ESR1: variants seen among roughly 807,000 people sequenced by gnomAD.
ESR1 encodes the protein estrogen receptor.
In ESR1, 12 loss-of-function variants were observed where a neutral mutation model predicts 52.7. The observed-to-expected ratio is 0.23, with a 90% CI of 0.15 to 0.37. ESR1 has a LOEUF of 0.37. ESR1 is among the 10% of genes least tolerant of loss of function. ESR1 has a pLI of 1.00. For missense variants in ESR1, 584 were observed against 779.7 expected (o/e 0.75, Z 2.99); for synonymous variants, 305 against 316.8 (o/e 0.96, Z 0.39).
At chr6:151,678,035 A>G (rs1453612012) in intron 1 of ESR1, among the ~76,000 whole-genome samples, 2 of 152,198 alleles carry the variant, frequency 1.3e-5, no homozygotes, top group Non-Finnish European at 2.9e-5. Flanking sequence ...ATTGGCTGTC[A>G]TGGTTTGGTT....
At chr6:151,760,152 A>G (rs1212279093) in intron 2 of ESR1, among the ~76,000 whole-genome samples, 1 of 152,150 alleles carries the variant, frequency 6.6e-6, no homozygotes, top group Non-Finnish European at 1.5e-5. Flanking sequence ...CCATATATAC[A>G]TATTCCCAGG....
chr6:151,986,377 G>T (rs1045749686), intron 4 of ESR1, among the ~76,000 whole-genome samples: 3 of 152,016 alleles, frequency 2.0e-5, no homozygotes, highest in Admixed American at 1.3e-4. Context: ...TCACTTAGTG[G>T]AGAAACAGCT....
intron 2 of ESR1, among the ~76,000 whole-genome samples, chr6:151,723,444 C>A (rs1781602476): frequency 6.6e-6 from 1 of 152,192 alleles, no homozygotes; most frequent in Non-Finnish European, 1.5e-5. Flanking sequence ...ACCTGATAGC[C>A]TTCATTTCAT....
chr6:151,830,216 G>A (rs1782175476), intron 1 of ESR1, among the ~76,000 whole-genome samples: 1 of 152,146 alleles, frequency 6.6e-6, no homozygotes, highest in Non-Finnish European at 1.5e-5. Flanking sequence ...CTGCCTTGAG[G>A]TGTCAGCTTT....
upstream of ESR1, among the ~76,000 whole-genome samples, chr6:151,800,567 A>G (rs185429933): frequency 9.9e-5 from 15 of 152,206 alleles, no homozygotes; most frequent in Middle Eastern, 3.4e-3. Context: ...GCCTTATAAA[A>G]AGAGCTCTCT....
chr6:152,065,937 A>C (rs1406596469), intron 6 of ESR1, among the ~76,000 whole-genome samples: 1 of 152,256 alleles, frequency 6.6e-6, no homozygotes, highest in Non-Finnish European at 1.5e-5. Flanking sequence ...CCCAAGGTGC[A>C]AAGTTAAGAG....
chr6:151,760,308 A>G (rs543655040), intron 2 of ESR1, among the ~76,000 whole-genome samples: 266 of 152,314 alleles, frequency 1.7e-3, no homozygotes, highest in Non-Finnish European at 2.8e-3. Flanking sequence ...AATCCCACAC[A>G]AGACCACCCA....
intron 4 of ESR1, among the ~76,000 whole-genome samples, chr6:151,954,618 A>G (rs2036697876): frequency 6.6e-6 from 1 of 152,196 alleles, no homozygotes; most frequent in Non-Finnish European, 1.5e-5. Context: ...GGCACATCAT[A>G]ACATTTGATT....
chr6:152,024,947 T>C (rs1244661860), intron 5 of ESR1, among the ~76,000 whole-genome samples: 3 of 151,410 alleles, frequency 2.0e-5, no homozygotes, highest in Non-Finnish European at 4.4e-5. Flanking sequence ...TTATACCTTT[T>C]CCTTTCTATT....
intron 2 of ESR1, among the ~76,000 whole-genome samples, chr6:151,850,088 ATATAATTTTATATATATATACAAAAT>A (rs1786251494): frequency 2.7e-4 from 9 of 33,022 alleles, no homozygotes; most frequent in East Asian, 2.6e-3. Context: ...AATTATATAT[ATATAATTTTATATATATATACAAAAT>A]TATATATATA....
rs142596840 is a variant in ESR1 at position 151,937,005 on chromosome 6, C to G, written c.761-7168C>G. On this transcript the variant is annotated intron_variant, in intron 3 of 7. Transcript: ENST00000206249. ...TACAAGAGGAGGCATAGAAAAAGAA[C>G]AAGGTGGTGTTGGGAAGTAGTATAA... Among the ~76,000 whole-genome samples, 9 of 152,146 alleles carry G rather than the reference C, an allele frequency of 5.9e-5. No individual in the cohort carries two copies. In the East Asian group the frequency reaches 9.7e-4, roughly 16 times the overall value.
At chr6:151,854,424 T>C (rs1787455597) in intron 2 of ESR1, among the ~76,000 whole-genome samples, 1 of 152,172 alleles carries the variant, frequency 6.6e-6, no homozygotes, top group African/African-American at 2.4e-5. Context: ...ATATTTCCAT[T>C]TTCCTTTAGC....
intron 5 of ESR1, among the ~76,000 whole-genome samples, chr6:152,036,147 G>T (rs1234857178): frequency 1.3e-5 from 2 of 152,144 alleles, no homozygotes; most frequent in Non-Finnish European, 2.9e-5. Flanking sequence ...AGATCACGAG[G>T]TCAGGAGATC....
intron 4 of ESR1, among the ~76,000 whole-genome samples, chr6:151,967,197 A>G (rs528810434): frequency 6.6e-6 from 1 of 152,122 alleles, no homozygotes; most frequent in Admixed American, 6.5e-5. Flanking sequence ...CTTTTTTTTA[A>G]TTATACTGTA....
intron 2 of ESR1, among the ~76,000 whole-genome samples, chr6:151,722,732 C>A (rs1781549715): frequency 6.6e-6 from 1 of 152,158 alleles, no homozygotes. Flanking sequence ...AACTTTTAAG[C>A]AAACTAAATT....
chr6:151,850,328 T>C (rs1008932073), intron 2 of ESR1, among the ~76,000 whole-genome samples: 14 of 149,650 alleles, frequency 9.4e-5, no homozygotes, highest in African/African-American at 3.2e-4. Flanking sequence ...CTGATATCTT[T>C]AGAATAAGAA....
chr6:151,688,449 C>T (rs2115330769), upstream of ESR1, among the ~76,000 whole-genome samples: 1 of 152,252 alleles, frequency 6.6e-6, no homozygotes, highest in African/African-American at 2.4e-5. Context: ...ACGGTTTCCT[C>T]AACTGCAAAA....
chr6:151,929,171 T>A (rs2033222169), intron 3 of ESR1, among the ~76,000 whole-genome samples: 1 of 152,226 alleles, frequency 6.6e-6, no homozygotes, highest in East Asian at 1.9e-4. Context: ...TTTCTAAGTA[T>A]AATAATGGTT....
intron 3 of ESR1, among the ~76,000 whole-genome samples, chr6:151,905,355 G>A (rs532751152): frequency 1.3e-5 from 2 of 152,198 alleles, no homozygotes; most frequent in African/African-American, 2.4e-5. Flanking sequence ...AATGCGAGAG[G>A]CAGTAAACAC....
Sources: gnomAD v4.1 joint callset for allele counts (sites outside exome capture counted in the v4.1 genomes callset) on GRCh38, gnomAD v4.1.1 for gene constraint, MANE v1.5 for transcripts, NCBI Gene and HGNC (gene_info 2026-07-23, HGNC 2026-07-21) for gene names.